SPECC1L: variants seen among roughly 807,000 people sequenced by gnomAD.
SPECC1L encodes the protein cytospin-A.
A neutral mutation model predicts 116.8 loss-of-function variants in SPECC1L; 40 were observed. The observed-to-expected ratio is 0.34, with a 90% CI of 0.27 to 0.45. SPECC1L has a LOEUF of 0.45. SPECC1L is among the 20% of genes least tolerant of loss of function. The pLI is 1.00. For missense variants in SPECC1L, 1,110 were observed against 1,373.6 expected, an observed-to-expected ratio of 0.81 and a Z score of 3.03; for synonymous variants, 504 against 500.6, an observed-to-expected ratio of 1.01 and a Z score of -0.09.
chr22:24,299,843 T>C (rs2049341034), intron 2 of SPECC1L, among the ~76,000 whole-genome samples: 2 of 152,226 alleles, frequency 1.3e-5, no homozygotes, highest in Admixed American at 1.3e-4. Context: ...GAACTTTGCA[T>C]GTCTACAAAA....
intron 14 of SPECC1L, among the ~76,000 whole-genome samples, chr22:24,378,057 G>A (rs2042002402): frequency 6.6e-6 from 1 of 152,234 alleles, no homozygotes; most frequent in South Asian, 2.1e-4. Flanking sequence ...TTTAATAGAA[G>A]GCTGTTTTAT....
chr22:24,375,891 A>G (rs1601308186), intron 14 of SPECC1L, among the ~76,000 whole-genome samples: 1 of 152,168 alleles, frequency 6.6e-6, no homozygotes, highest in East Asian at 1.9e-4. Flanking sequence ...TGGAGGTTGC[A>G]GTGAGCTGAT....
chr22:24,368,484 A>T (rs997927728), intron 13 of SPECC1L, among the ~76,000 whole-genome samples: 2 of 152,244 alleles, frequency 1.3e-5, no homozygotes, highest in Admixed American at 1.3e-4. Context: ...AATATTGTTC[A>T]TGTTTATTGC....
At chr22:24,331,474 T>C (rs1176062506) in intron 8 of SPECC1L, among the ~76,000 whole-genome samples, 1 of 152,254 alleles carries the variant, frequency 6.6e-6, no homozygotes, top group Non-Finnish European at 1.5e-5. Flanking sequence ...TCAGAAATGC[T>C]TCATTCTATA....
chr22:24,347,924 C>T (rs114469313), intron 11 of SPECC1L, among the ~76,000 whole-genome samples: 5,139 of 152,278 alleles, frequency 0.034, 178 homozygotes, highest in African/African-American at 0.083. Context: ...GATCTGCCCA[C>T]CTCAACCTCC....
At chr22:24,319,625 CTA>C (rs1238712196) in intron 4 of SPECC1L, among the ~76,000 whole-genome samples, 1 of 152,200 alleles carries the variant, frequency 6.6e-6, no homozygotes, top group Non-Finnish European at 1.5e-5. Context: ...TTTTGGGACT[CTA>C]TATGAACATT....
chr22:24,312,991 T>C (rs1276115569), intron 3 of SPECC1L, among the ~76,000 whole-genome samples: 1 of 152,218 alleles, frequency 6.6e-6, no homozygotes, highest in African/African-American at 2.4e-5. Flanking sequence ...ACACTTCCTG[T>C]GGCATTATAG....
chr22:24,332,510 CAAA>C (rs2040958389), intron 8 of SPECC1L, among the ~76,000 whole-genome samples: 1 of 152,148 alleles, frequency 6.6e-6, no homozygotes, highest in African/African-American at 2.4e-5. Context: ...GTGCAGTTAT[CAAA>C]GAAGAACAGC....
chr22:24,380,680 G>A (rs890863397), intron 14 of SPECC1L, among the ~76,000 whole-genome samples: 1 of 152,102 alleles, frequency 6.6e-6, no homozygotes, highest in Non-Finnish European at 1.5e-5. Context: ...ATCATACATT[G>A]AAGCTTTAGA....
At chr22:24,361,085 A>G (rs773579235) in intron 11 of SPECC1L, among the ~76,000 whole-genome samples, 1 of 152,200 alleles carries the variant, frequency 6.6e-6, no homozygotes, top group South Asian at 2.1e-4. Flanking sequence ...TTATAACCAA[A>G]TGTTCCTCAT....
chr22:24,299,273 A>G (rs1260075582), intron 2 of SPECC1L, among the ~76,000 whole-genome samples: 1 of 152,212 alleles, frequency 6.6e-6, no homozygotes, highest in Non-Finnish European at 1.5e-5. Flanking sequence ...TATTTTCAAT[A>G]GTTTTTAAAG....
At chr22:24,288,717 C>G (rs1226988824) in intron 2 of SPECC1L, among the ~76,000 whole-genome samples, 1 of 141,358 alleles carries the variant, frequency 7.1e-6, no homozygotes, top group Non-Finnish European at 1.5e-5. Context: ...CTTCTGCCTC[C>G]TGGGTTCAAG....
intron 14 of SPECC1L, among the ~76,000 whole-genome samples, chr22:24,380,552 A>C (rs528990583): frequency 2.4e-4 from 36 of 152,320 alleles, no homozygotes; most frequent in African/African-American, 8.4e-4. Flanking sequence ...GAGTCACCCT[A>C]AAATTACTGT....
At chr22:24,335,102 C>T (rs5760352) in intron 9 of SPECC1L, among the ~76,000 whole-genome samples, 3,804 of 152,226 alleles carry the variant, frequency 0.025, 156 homozygotes, top group South Asian at 0.12. Flanking sequence ...TCTTTCTTAC[C>T]ACTACATCTA....
At chr22:24,409,711 A>C (rs1351613572) in intron 14 of SPECC1L, among the ~76,000 whole-genome samples, 3 of 152,238 alleles carry the variant, frequency 2.0e-5, no homozygotes, top group African/African-American at 7.2e-5. Flanking sequence ...AAATACTTTA[A>C]AATATGGAAT....
chr22:24,408,633 G>A (rs942670362), intron 14 of SPECC1L, among the ~76,000 whole-genome samples: 1 of 152,192 alleles, frequency 6.6e-6, no homozygotes, highest in African/African-American at 2.4e-5. Flanking sequence ...TCCTTAATCT[G>A]GTCACTTTCC....
At chr22:24,365,454 G>A in intron 12 of SPECC1L, 22 bp from the exon 13 acceptor site, 1 of 1,612,678 alleles carries the variant, frequency 6.2e-7, no homozygotes, top group Non-Finnish European at 8.5e-7. Flanking sequence ...GCTATAGAGT[G>A]CATAATGACT....
chr22:24,337,718 C>T (rs997471813), intron 9 of SPECC1L, among the ~76,000 whole-genome samples: 1 of 152,114 alleles, frequency 6.6e-6, no homozygotes, highest in Non-Finnish European at 1.5e-5. Flanking sequence ...TGTTTGTATC[C>T]CATTTTTAAT....
At chr22:24,341,739 C>G (rs977645403) in intron 10 of SPECC1L, among the ~76,000 whole-genome samples, 5 of 152,212 alleles carry the variant, frequency 3.3e-5, no homozygotes, top group African/African-American at 1.2e-4. Context: ...GTTATCACTG[C>G]TAAAATCGTT....
Sources: gnomAD v4.1 joint callset for allele counts (sites outside exome capture counted in the v4.1 genomes callset) on GRCh38, gnomAD v4.1.1 for gene constraint, MANE v1.5 for transcripts, NCBI Gene and HGNC (gene_info 2026-07-23, HGNC 2026-07-21) for gene names.